The following MT3 variants were observed in gnomAD, a reference collection of about 807,000 sequenced individuals.
MT3 encodes metallothionein-3.
Under a neutral mutation model 10.9 loss-of-function variants are expected in MT3, and 8 were observed. The ratio of observed to expected loss-of-function variants is 0.73; its 90% CI spans 0.43 to 1.33. The LOEUF (loss-of-function observed/expected upper bound fraction) is 1.33, where lower values mean the gene tolerates loss of function less well. Ranked by LOEUF, MT3 falls within the 40% of genes most tolerant of loss-of-function variation. The pLI, the probability that MT3 is intolerant of heterozygous loss-of-function variation, is 0.01. For synonymous variants in MT3, 32 were observed against 29.9 expected, an observed-to-expected ratio of 1.07 and a Z score of -0.23; for missense variants, 75 against 83.9, an observed-to-expected ratio of 0.89 and a Z score of 0.41.
rs1329038922 is a variant in MT3, at chr16:56,590,047, C to T, written c.97+112C>T. ...CAGGCCCCGATCCCGTGGTTTCTGACTCTTGCTGGAATAGAACCACCCGGG... is the reference window on the plus strand; with the variant it reads ...CAGGCCCCGATCCCGTGGTTTCTGATTCTTGCTGGAATAGAACCACCCGGG... On this transcript the variant is annotated intron_variant, in intron 2 of 2. Coordinates refer to ENST00000200691, the MANE Select transcript of MT3 (RefSeq NM_005954.4). 5.0e-6 allele frequency: 6 copies of T among 1,196,506 alleles called. No homozygotes were observed. In the Admixed American group the frequency reaches 7.5e-5, roughly 15 times the overall value. The allele number at this position is 1,196,506 out of a possible 1,614,324, so 74.1% of individuals were successfully genotyped here.
At chr16:56,590,797 G>A in intron 2 of MT3, 43 bp from the exon 3 acceptor site, 1 of 1,581,372 alleles carries the variant, frequency 6.3e-7, no homozygotes, top group Non-Finnish European at 8.6e-7. Flanking sequence ...ACGAATTGGG[G>A]GAGTGTGCAT....
intron 2 of MT3, chr16:56,590,580 C>G (rs1438131726): frequency 3.8e-6 from 2 of 531,584 alleles, no homozygotes; most frequent in East Asian, 6.5e-5. Context: ...CTTAAGCCCA[C>G]CAGCCCCCAG....
chr16:56,590,038 G>A, intron 2 of MT3, 103 bp downstream of exon 2: 2 of 1,277,204 alleles, frequency 1.6e-6, no homozygotes, highest in Non-Finnish European at 2.2e-6. Context: ...CCGATCCCGT[G>A]GTTTCTGACT....
intron 2 of MT3, 45 bp from the exon 3 acceptor site, chr16:56,590,795 G>A (rs776633503): frequency 6.3e-7 from 1 of 1,579,140 alleles, no homozygotes; most frequent in Non-Finnish European, 8.6e-7. Context: ...GGACGAATTG[G>A]GGGAGTGTGC....
chr16:56,590,428 C>T (rs546791760), intron 2 of MT3: 32 of 467,430 alleles, frequency 6.8e-5, no homozygotes, highest in African/African-American at 6.0e-4. Flanking sequence ...GGCACAGGTC[C>T]CCACCGCCTC....
At chr16:56,589,734 C>A in intron 1 of MT3, 113 bp downstream of exon 1, 1 of 1,582,044 alleles carries the variant, frequency 6.3e-7, no homozygotes. Flanking sequence ...CCCTGATTCC[C>A]TATTCTTCAC....
Position 56,589,573 on chromosome 16 carries a change from G to A in MT3, c.-18G>A. On this transcript the variant is annotated 5_prime_UTR_variant, in exon 1 of 3. Transcript: ENST00000200691. ...TGGAGAAGCCCGTTCACCGCCTCCA[G>A]CTGCTGCTCTCCTCGACATGGACCC... The A allele has an allele frequency of 6.4e-7, 1 of 1,560,636 alleles. No homozygotes were observed.
At position 56,589,917 on chromosome 16, in the gene MT3, T is replaced by A. The variant is rs1310536869; in HGVS notation, c.79T>A (p.Cys27Ser). Residue 27 changes from cysteine (C) to serine (S), a missense_variant, in exon 2 of 3, where the codon TGC becomes AGC. By Grantham distance (112) the Cys-to-Ser change is moderately radical. Transcript: ENST00000200691. Reference sequence around the variant, plus strand: ...CTCCTGCAAGTGCGAGGGATGCAAATGCACCTCCTGCAAGAAGAGTGAGTG... The same window carrying A: ...CTCCTGCAAGTGCGAGGGATGCAAAAGCACCTCCTGCAAGAAGAGTGAGTG... ...ADSCKCEGCK[C>S]TSCKKSCCSC... 6.2e-7 allele frequency: 1 copy of A among 1,614,086 alleles called. No homozygotes were observed. Among genetic ancestry groups the A allele is most frequent in the East Asian group, 2.2e-5 (1 of 44,868 alleles).
At chr16:56,590,096 C>T in intron 2 of MT3, 161 bp downstream of exon 2, 1 of 758,750 alleles carries the variant, frequency 1.3e-6, no homozygotes, top group South Asian at 1.5e-5. Flanking sequence ...ACAGATGCCC[C>T]TGCCCCACAC....
chr16:56,591,000 T>A lies in MT3; in HGVS notation c.*51T>A. ...GTGGAGATAGTGCCAGGTGGCTCAG[T>A]GCCACCTATGCCTGTGGTGAAGTGT... On this transcript the variant is annotated 3_prime_UTR_variant, in exon 3 of 3. Coordinates refer to ENST00000200691, the MANE Select transcript of MT3 (RefSeq NM_005954.4). 3 of 1,456,392 alleles carry A rather than the reference T, an allele frequency of 2.1e-6. No individual in the cohort carries two copies. The highest frequency in any genetic ancestry group is 2.9e-6 in the Non-Finnish European group (3 of 1,049,088). The allele number at this position is 1,456,392 out of a possible 1,614,324, so 90.2% of individuals were successfully genotyped here. A position where few individuals can be genotyped will look rare whatever the true frequency, so the allele number is the denominator to read the frequency against.
chr16:56,590,217 A>G (rs1330115739), intron 2 of MT3: 1 of 614,796 alleles, frequency 1.6e-6, no homozygotes, highest in Non-Finnish European at 2.9e-6. Context: ...TTCCCGACCC[A>G]TCCCTCAAAA....
intron 2 of MT3, chr16:56,590,479 G>T: frequency 2.3e-6 from 1 of 435,156 alleles, no homozygotes; most frequent in African/African-American, 2.0e-5. Flanking sequence ...CACCATATCT[G>T]CCCCTCCCAA....
chr16:56,590,410 T>G, intron 2 of MT3: 1 of 488,998 alleles, frequency 2.0e-6, no homozygotes, highest in Non-Finnish European at 3.7e-6. Flanking sequence ...TCCCTAGGTA[T>G]GAAACCAGGC....
intron 2 of MT3, chr16:56,590,628 C>T: frequency 1.7e-6 from 1 of 579,290 alleles, no homozygotes; most frequent in Non-Finnish European, 3.1e-6. Flanking sequence ...CTGGTCATTT[C>T]CTGGGTACCT....
Position 56,589,874 on chromosome 16 carries a change from C to T in MT3, c.36C>T (p.Gly12=). 6.2e-7 allele frequency: 1 copy of T among 1,614,138 alleles called. No homozygotes were observed. Among genetic ancestry groups the T allele is most frequent in the Non-Finnish European group, 8.5e-7 (1 of 1,180,016 alleles). ...CTGTGGCGTCGCCCTCTCTAGGTGG[C>T]TCCTGCACCTGCGCGGACTCCTGCA... ...DPETCPCPSG[G]SCTCADSCKC... is the part of the protein sequence containing the mutation. Residue 12 remains glycine (G), a synonymous_variant, in exon 2 of 3, where the codon GGC becomes GGT. Transcript: ENST00000200691.
chr16:56,589,696 T>A, intron 1 of MT3, 75 bp downstream of exon 1: 2 of 1,602,384 alleles, frequency 1.2e-6, no homozygotes, highest in Non-Finnish European at 1.7e-6. Flanking sequence ...GCCCTGCGCC[T>A]TCGCTCAAGG....
Position 56,590,744 on chromosome 16 carries a change from G to C in MT3, c.98-96G>C, listed in dbSNP as rs1959811788. The stretch of plus-strand genomic sequence containing the variant: ...CGACTAGCCCTGGCTGAATGAACCA[G>C]GATGACTCCCCACCCAGCACCCTTC... On this transcript the variant is annotated intron_variant, in intron 2 of 2. Transcript: ENST00000200691. The C allele has an allele frequency of 6.5e-6, 8 of 1,234,016 alleles. No individual in the cohort carries two copies. The East Asian group carries it at 2.0e-4, about 31-fold the overall frequency. 76.4% of individuals were successfully genotyped at this position (1,234,016 alleles called of 1,614,324 possible).
Position 56,590,795 on chromosome 16 carries a change from G to T in MT3, c.98-45G>T, listed in dbSNP as rs776633503. On this transcript the variant is annotated intron_variant, in intron 2 of 2. Transcript: ENST00000200691. ...CCTCCCCTTTGATGGGGACGAATTG[G>T]GGGAGTGTGCATCAGAGAGTGGTCA... 3 of 1,579,140 alleles carry T rather than the reference G, an allele frequency of 1.9e-6. No individual in the cohort carries two copies. The Admixed American group carries it at 5.3e-5, about 28-fold the overall frequency.
At chr16:56,589,733 C>T (rs1959798791) in intron 1 of MT3, 112 bp downstream of exon 1, 1 of 1,584,254 alleles carries the variant, frequency 6.3e-7, no homozygotes, top group South Asian at 1.1e-5. Context: ...CCCCTGATTC[C>T]CTATTCTTCA....
Sources: allele counts gnomAD v4.1 joint callset, GRCh38; gene constraint gnomAD v4.1.1; transcripts MANE v1.5; gene names NCBI Gene and HGNC (gene_info 2026-07-23, HGNC 2026-07-21).